HDAC9: variants seen among roughly 807,000 people sequenced by gnomAD.
HDAC9 encodes the protein MEF-2 interacting transcription repressor (MITR) protein.
In HDAC9, 41 loss-of-function variants were observed where a neutral mutation model predicts 139.4. That is an observed-to-expected ratio of 0.29 (90% CI 0.23 to 0.38). The LOEUF (loss-of-function observed/expected upper bound fraction) is 0.38. Ranked by LOEUF, HDAC9 falls within the 10% of genes least tolerant of loss-of-function variation. The probability of loss-of-function intolerance (pLI) is 1.00; values close to 1 mark genes in which losing one functional copy is unlikely to be tolerated. For synonymous variants in HDAC9, 517 were observed against 476.2 expected (o/e 1.09, Z -1.12); for missense variants, 1,147 against 1,297.0 (o/e 0.88, Z 1.78).
chr7:18,866,408 T>G (rs1434111433), intron 21 of HDAC9, among the ~76,000 whole-genome samples: 1 of 152,170 alleles, frequency 6.6e-6, no homozygotes, highest in African/African-American at 2.4e-5. Context: ...GGCCTATAAC[T>G]GATGTCCTAA....
intron 22 of HDAC9, among the ~76,000 whole-genome samples, chr7:18,886,836 T>G (rs1195402411): frequency 6.6e-6 from 1 of 152,172 alleles, no homozygotes; most frequent in Non-Finnish European, 1.5e-5. Flanking sequence ...TGCTTTGAGC[T>G]CAGACAAAAA....
intron 1 of HDAC9, among the ~76,000 whole-genome samples, chr7:18,137,811 T>C (rs1348304361): frequency 2.0e-5 from 3 of 152,234 alleles, no homozygotes; most frequent in Non-Finnish European, 4.4e-5. Context: ...AGAATGATGC[T>C]GGCCTCATAA....
At chr7:18,280,414 C>A (rs1797025536) in intron 2 of HDAC9, among the ~76,000 whole-genome samples, 1 of 152,008 alleles carries the variant, frequency 6.6e-6, no homozygotes, top group Non-Finnish European at 1.5e-5. Flanking sequence ...ATGGTGAAAC[C>A]CCATCTCTAC....
intron 22 of HDAC9, among the ~76,000 whole-genome samples, chr7:18,935,211 T>C (rs149161852): frequency 8.2e-4 from 125 of 152,212 alleles, no homozygotes; most frequent in African/African-American, 2.9e-3. Context: ...AGTTGGAAGG[T>C]AAAAAAGCAG....
chr7:18,942,274 G>C (rs10486327), intron 23 of HDAC9, among the ~76,000 whole-genome samples: 1 of 151,892 alleles, frequency 6.6e-6, no homozygotes. Flanking sequence ...ACTAATATGA[G>C]CTAATGTCTA....
At chr7:18,230,568 T>C (rs539577592) in intron 2 of HDAC9, among the ~76,000 whole-genome samples, 2 of 152,340 alleles carry the variant, frequency 1.3e-5, no homozygotes, top group East Asian at 3.9e-4. Flanking sequence ...CAATAGGAGC[T>C]ACCAGAATTA....
chr7:18,474,686 T>C (rs1794981861), intron 1 of HDAC9, among the ~76,000 whole-genome samples: 1 of 152,182 alleles, frequency 6.6e-6, no homozygotes, highest in Non-Finnish European at 1.5e-5. Flanking sequence ...TTCAGGGTAT[T>C]AGTGAACTAC....
intron 1 of HDAC9, among the ~76,000 whole-genome samples, chr7:18,124,195 C>T (rs143329235): frequency 3.9e-5 from 6 of 152,200 alleles, no homozygotes; most frequent in East Asian, 3.9e-4. Context: ...ATCACTTTGC[C>T]GAGCTCATTT....
chr7:18,241,803 A>G (rs1278190609), intron 2 of HDAC9, among the ~76,000 whole-genome samples: 4 of 152,142 alleles, frequency 2.6e-5, no homozygotes, highest in Non-Finnish European at 4.4e-5. Flanking sequence ...TGCTGAAGAA[A>G]AGAGAGTAGT....
intron 24 of HDAC9, among the ~76,000 whole-genome samples, chr7:18,956,649 T>G (rs1366928419): frequency 1.3e-5 from 2 of 152,118 alleles, no homozygotes; most frequent in Non-Finnish European, 2.9e-5. Context: ...ACTCTTCACA[T>G]CTACTCAAAA....
intron 1 of HDAC9, among the ~76,000 whole-genome samples, chr7:18,443,207 C>T (rs1292492102): frequency 1.3e-5 from 2 of 151,960 alleles, no homozygotes; most frequent in African/African-American, 4.8e-5. Context: ...GAAGAAAATA[C>T]CTCTTATTGC....
intron 13 of HDAC9, among the ~76,000 whole-genome samples, chr7:18,731,947 G>C (rs1437573801): frequency 1.3e-5 from 2 of 151,670 alleles, no homozygotes; most frequent in African/African-American, 4.8e-5. Context: ...ATATTCTTAA[G>C]ACTATACTGT....
At chr7:18,445,863 G>A (rs1792245551) in intron 1 of HDAC9, among the ~76,000 whole-genome samples, 1 of 152,208 alleles carries the variant, frequency 6.6e-6, no homozygotes, top group African/African-American at 2.4e-5. Context: ...AGAAATAAAA[G>A]CAGAGAATTA....
At chr7:18,292,876 T>C (rs1797900067) in intron 1 of HDAC9, among the ~76,000 whole-genome samples, 1 of 152,188 alleles carries the variant, frequency 6.6e-6, no homozygotes, top group South Asian at 2.1e-4. Context: ...TGAAGTGCTT[T>C]ATCTTTTACA....
chr7:18,689,665 T>G (rs956246690), intron 12 of HDAC9, among the ~76,000 whole-genome samples: 1 of 151,982 alleles, frequency 6.6e-6, no homozygotes, highest in Non-Finnish European at 1.5e-5. Context: ...CAACAAGGCC[T>G]AGTGCTTAGC....
intron 2 of HDAC9, among the ~76,000 whole-genome samples, chr7:18,257,116 GTA>G (rs138363032): frequency 0.42 from 56,229 of 132,830 alleles, 12,037 homozygotes; most frequent in Admixed American, 0.53. Flanking sequence ...GTGTGTGCAT[GTA>G]TGTGTGTGTG....
At chr7:18,186,690 T>C (rs1789942976) in intron 2 of HDAC9, among the ~76,000 whole-genome samples, 1 of 152,188 alleles carries the variant, frequency 6.6e-6, no homozygotes, top group Non-Finnish European at 1.5e-5. Context: ...CACTCAACTT[T>C]TCTGAATCTC....
intron 1 of HDAC9, among the ~76,000 whole-genome samples, chr7:18,442,278 G>A (rs1261864248): frequency 6.6e-6 from 1 of 152,168 alleles, no homozygotes; most frequent in Non-Finnish European, 1.5e-5. Context: ...GAGTGGTTGG[G>A]AAGACTTCTA....
chr7:18,943,316 A>G (rs924771250), intron 23 of HDAC9, among the ~76,000 whole-genome samples: 1 of 152,100 alleles, frequency 6.6e-6, no homozygotes, highest in South Asian at 2.1e-4. Flanking sequence ...ATTATGTTGT[A>G]TATCTACAAA....
Sources: allele counts gnomAD v4.1 joint callset (sites outside exome capture counted in the v4.1 genomes callset), GRCh38; gene constraint gnomAD v4.1.1; transcripts MANE v1.5; gene names NCBI Gene and HGNC (gene_info 2026-07-23, HGNC 2026-07-21).